RMRP: variants seen among roughly 807,000 people sequenced by gnomAD.
RMRP encodes RNA component of mitochondrial RNA processing endoribonuclease.
chr9:35,657,767 T>A (rs748268184), exon 1 of RMRP: 1 of 692,822 alleles, frequency 1.4e-6, no homozygotes, highest in Non-Finnish European at 2.6e-6. Flanking sequence ...GCGCTGAGAA[T>A]GAGCCCCGTG....
chr9:35,657,833 G>GC (rs1563906794), exon 1 of RMRP: 3 of 693,092 alleles, frequency 4.3e-6, no homozygotes, highest in East Asian at 2.7e-5. Flanking sequence ...GACGGATGAC[G>GC]CCCCCGCGCC....
In RMRP at chr9:35,657,800, T is replaced by G. The variant is rs936059863; in HGVS notation, n.218A>C. The stretch of plus-strand genomic sequence containing the variant: ...GTGTGGTTGGTGCGCGGACACGCAC[T>G]GCCTGCGTAACTAGAGGGAGCTGAC... On this transcript the variant is annotated non_coding_transcript_exon_variant, in exon 1 of 1. Transcript: ENST00000363046. 4 of 699,954 alleles carry G rather than the reference T, an allele frequency of 5.7e-6. No homozygotes were observed. The highest frequency in any genetic ancestry group is 1.5e-5 in the South Asian group (1 of 67,506). 43.4% of individuals were successfully genotyped at this position (699,954 alleles called of 1,614,324 possible). A position where few individuals can be genotyped will look rare whatever the true frequency, so the allele number is the denominator to read the frequency against.
chr9:35,657,931 C>A (rs1264110860), exon 1 of RMRP: 1 of 700,308 alleles, frequency 1.4e-6, no homozygotes, highest in African/African-American at 1.7e-5. Context: ...CACTCTCTGC[C>A]CGAGGTCCGG....
chr9:35,657,958 G>A (rs1353190924), exon 1 of RMRP: 5 of 700,344 alleles, frequency 7.1e-6, no homozygotes, highest in South Asian at 3.0e-5. Context: ...TCCCCTAGGC[G>A]GAAAGGGGAG....
Position 35,657,838 on chromosome 9 carries a change from C to G in RMRP, n.180G>C, listed in dbSNP as rs1004469515. 7.2e-6 allele frequency: 5 copies of G among 693,312 alleles called. No homozygotes were observed. Among genetic ancestry groups the G allele is most frequent in the Non-Finnish European group, 1.3e-5 (5 of 384,760 alleles). 42.9% of individuals were successfully genotyped at this position (693,312 alleles called of 1,614,324 possible). A position where few individuals can be genotyped will look rare whatever the true frequency, so the allele number is the denominator to read the frequency against. On this transcript the variant is annotated non_coding_transcript_exon_variant, in exon 1 of 1. Transcript: ENST00000363046. The stretch of plus-strand genomic sequence containing the variant: ...AGAGGGAGCTGACGGATGACGCCCC[C>G]GCGCCACGCCGCTCAGCGGGATACG...
At chr9:35,657,940 G>A (rs949582348) in exon 1 of RMRP, 10 of 700,312 alleles carry the variant, frequency 1.4e-5, no homozygotes, top group African/African-American at 1.0e-4. Context: ...CCCGAGGTCC[G>A]GGGACTTTCC....
In RMRP at chr9:35,657,974, GAGTCCTCAGTGTGTAGCCT is replaced by G. The variant is rs1554651292; in HGVS notation, n.25_43del. ...CCCCTAGGCGGAAAGGGGAGGAACA[GAGTCCTCAGTGTGTAGCCT>G]AGGATACAGGCCTTCAGCACGAACC... On this transcript the variant is annotated non_coding_transcript_exon_variant, in exon 1 of 1. Transcript: ENST00000363046. 3 of 700,470 alleles carry G rather than the reference GAGTCCTCAGTGTGTAGCCT, an allele frequency of 4.3e-6. No homozygotes were observed. The highest frequency in any genetic ancestry group is 5.2e-6 in the Non-Finnish European group (2 of 384,820). 43.4% of individuals were successfully genotyped at this position (700,470 alleles called of 1,614,324 possible).
rs772665785 is a variant in RMRP, at chr9:35,657,805, G to A, written n.213C>T. 5 of 700,134 alleles carry A rather than the reference G, an allele frequency of 7.1e-6. No homozygotes were observed. The highest frequency in any genetic ancestry group is 3.6e-4 in the Middle Eastern group (1 of 2,760). The allele number at this position is 700,134 out of a possible 1,614,324, so 43.4% of individuals were successfully genotyped here. A position where few individuals can be genotyped will look rare whatever the true frequency, so the allele number is the denominator to read the frequency against. ...GTTGGTGCGCGGACACGCACTGCCT[G>A]CGTAACTAGAGGGAGCTGACGGATG... is the stretch of plus-strand genomic sequence containing the variant. On this transcript the variant is annotated non_coding_transcript_exon_variant, in exon 1 of 1. Coordinates refer to ENST00000363046, the Ensembl canonical transcript of RMRP.
Position 35,657,842 on chromosome 9 carries a change from C to T in RMRP, n.176G>A. 2.9e-6 allele frequency: 2 copies of T among 700,442 alleles called. No homozygotes were observed. Among genetic ancestry groups the T allele is most frequent in the Non-Finnish European group, 5.2e-6 (2 of 384,820 alleles). 43.4% of individuals were successfully genotyped at this position (700,442 alleles called of 1,614,324 possible). On this transcript the variant is annotated non_coding_transcript_exon_variant, in exon 1 of 1. Transcript: ENST00000363046. ...GGAGCTGACGGATGACGCCCCCGCG[C>T]CACGCCGCTCAGCGGGATACGCTTC...
At chr9:35,657,835 C>A in exon 1 of RMRP, 2 of 693,264 alleles carry the variant, frequency 2.9e-6, no homozygotes, top group South Asian at 3.0e-5. Context: ...CGGATGACGC[C>A]CCCGCGCCAC....
chr9:35,657,807 G>T, exon 1 of RMRP: 1 of 692,410 alleles, frequency 1.4e-6, no homozygotes, highest in East Asian at 2.7e-5. Context: ...CACTGCCTGC[G>T]TAACTAGAGG....
At position 35,658,012 on chromosome 9, in the gene RMRP, A is replaced by ACGAACCAC. The variant is rs1169511671; in HGVS notation, n.5_6insGTGGTTCG. 5.8e-6 allele frequency: 4 copies of ACGAACCAC among 692,500 alleles called. No individual in the cohort carries two copies. The highest frequency in any genetic ancestry group is 1.1e-5 in the Non-Finnish European group (4 of 378,564). 42.9% of individuals were successfully genotyped at this position (692,500 alleles called of 1,614,324 possible). ...GTAGCCTAGGATACAGGCCTTCAGC[A>ACGAACCAC]CGAACCACGTCCTCAGCTTCACAGA... is the stretch of plus-strand genomic sequence containing the variant. On this transcript the variant is annotated non_coding_transcript_exon_variant, in exon 1 of 1. Transcript: ENST00000363046.
rs549849356 is a variant in RMRP, at chr9:35,657,899, G to A, written n.119C>T. ...GACTTTGGAGTGGGAAGCGGGGAAT[G>A]TCTACGTGCGTATGCACGTGGCACT... is the stretch of plus-strand genomic sequence containing the variant. On this transcript the variant is annotated non_coding_transcript_exon_variant, in exon 1 of 1. Transcript: ENST00000363046. 38 of 698,010 alleles carry A rather than the reference G, an allele frequency of 5.4e-5. No individual in the cohort carries two copies. Among genetic ancestry groups the A allele is most frequent in the African/African-American group, 9.1e-5 (5 of 55,200 alleles). 43.2% of individuals were successfully genotyped at this position (698,010 alleles called of 1,614,324 possible).
exon 1 of RMRP, chr9:35,657,875 A>G (rs1469406079): frequency 2.9e-6 from 2 of 694,044 alleles, no homozygotes; most frequent in Non-Finnish European, 2.6e-6. Context: ...TTCTTGGCGG[A>G]CTTTGGAGTG....
At position 35,657,826 on chromosome 9, in the gene RMRP, G is replaced by A. The variant is rs1045976155; in HGVS notation, n.192C>T. On this transcript the variant is annotated non_coding_transcript_exon_variant, in exon 1 of 1. Transcript: ENST00000363046. ...GCCTGCGTAACTAGAGGGAGCTGAC[G>A]GATGACGCCCCCGCGCCACGCCGCT... 33 of 692,958 alleles carry A rather than the reference G, an allele frequency of 4.8e-5. No homozygotes were observed. Among genetic ancestry groups the A allele is most frequent in the South Asian group, 1.9e-4 (13 of 67,510 alleles). 42.9% of individuals were successfully genotyped at this position (692,958 alleles called of 1,614,324 possible).
chr9:35,657,869 T>G (rs756285919), exon 1 of RMRP: 2 of 693,386 alleles, frequency 2.9e-6, no homozygotes, highest in East Asian at 2.7e-5. Flanking sequence ...ATACGCTTCT[T>G]GGCGGACTTT....
rs578091934 is a variant in RMRP, at chr9:35,657,879, T to C, written n.139A>G. On this transcript the variant is annotated non_coding_transcript_exon_variant, in exon 1 of 1. Coordinates refer to ENST00000363046, the Ensembl canonical transcript of RMRP. ...GCGGGATACGCTTCTTGGCGGACTT[T>C]GGAGTGGGAAGCGGGGAATGTCTAC... 274 of 694,698 alleles carry C rather than the reference T, an allele frequency of 3.9e-4. 2 individuals are homozygous for C. Among genetic ancestry groups the C allele is most frequent in the South Asian group, 2.0e-3 (136 of 67,512 alleles). The allele number at this position is 694,698 out of a possible 1,614,324, so 43.0% of individuals were successfully genotyped here.
At position 35,657,926 on chromosome 9, in the gene RMRP, T is replaced by G. The variant is rs928762713; in HGVS notation, n.92A>C. 12 of 700,350 alleles carry G rather than the reference T, an allele frequency of 1.7e-5. No individual in the cohort carries two copies. The African/African-American group carries it at 1.9e-4, about 11-fold the overall frequency. The allele number at this position is 700,350 out of a possible 1,614,324, so 43.4% of individuals were successfully genotyped here. A position where few individuals can be genotyped will look rare whatever the true frequency, so the allele number is the denominator to read the frequency against. On this transcript the variant is annotated non_coding_transcript_exon_variant, in exon 1 of 1. Transcript: ENST00000363046. ...CTACGTGCGTATGCACGTGGCACTC[T>G]CTGCCCGAGGTCCGGGGACTTTCCC...
chr9:35,657,815 A>T (rs1587917923), exon 1 of RMRP: 2 of 692,646 alleles, frequency 2.9e-6, no homozygotes, highest in Non-Finnish European at 2.6e-6. Context: ...GCGTAACTAG[A>T]GGGAGCTGAC....
Sources: allele counts gnomAD v4.1 joint callset, GRCh38; gene constraint gnomAD v4.1.1; transcripts MANE v1.5; gene names NCBI Gene and HGNC (gene_info 2026-07-23, HGNC 2026-07-21).